Variants in ZUP1 observed in about 807,000 individuals in gnomAD.
The protein encoded by ZUP1 is zinc finger-containing ubiquitin peptidase 1.
In ZUP1, 55 loss-of-function variants were observed where a neutral mutation model predicts 68.1. The observed-to-expected ratio is 0.81, with a 90% CI of 0.65 to 1.01. The LOEUF (loss-of-function observed/expected upper bound fraction) is 1.01, where lower values mean the gene tolerates loss of function less well. ZUP1 is among the 50% of genes least tolerant of loss of function. The pLI, the probability that ZUP1 is intolerant of heterozygous loss-of-function variation, is 0.00. For missense variants in ZUP1, 684 were observed against 674.9 expected (o/e 1.01, Z -0.15); for synonymous variants, 223 against 221.5 (o/e 1.01, Z -0.06).
At chr6:116,658,249 C>T (rs1178932597) in intron 4 of ZUP1, among the ~76,000 whole-genome samples, 2 of 152,146 alleles carry the variant, frequency 1.3e-5, no homozygotes, top group South Asian at 4.1e-4. Context: ...CCAGTTTAGT[C>T]CAACAGGTAA....
At chr6:116,646,274 G>A in intron 8 of ZUP1, 1 of 179,716 alleles carries the variant, frequency 5.6e-6, no homozygotes, top group South Asian at 1.6e-4. Flanking sequence ...GATTCCAAAA[G>A]GTAAACAAAA....
rs186767123 is a variant in ZUP1 at position 116,664,016 on chromosome 6, T to C, written c.559+2618A>G. 2.0e-3 allele frequency among the ~76,000 whole-genome samples: 306 copies of C among 152,288 alleles called. 1 individual carries two copies. The highest frequency in any genetic ancestry group is 3.2e-3 in the Non-Finnish European group (220 of 68,016). ...TAGATACCTCAACTATCTATAAAAA[T>C]TGATAGTGTTTCTATAAAACTGCAA... On this transcript the variant is annotated intron_variant, in intron 2 of 9. Coordinates refer to ENST00000368576, the MANE Select transcript of ZUP1 (RefSeq NM_145062.3).
intron 2 of ZUP1, among the ~76,000 whole-genome samples, chr6:116,661,338 C>CATA (rs1295726741): frequency 6.8e-6 from 1 of 147,416 alleles, no homozygotes. Context: ...ACAAACCTCT[C>CATA]ATACCACTCC....
chr6:116,636,452 A>G (rs1775912574), intron 9 of ZUP1, among the ~76,000 whole-genome samples: 1 of 151,848 alleles, frequency 6.6e-6, no homozygotes, highest in Non-Finnish European at 1.5e-5. Context: ...AGAATTAAGG[A>G]ACATGGCTAT....
rs1043404026 is a variant in ZUP1, at chr6:116,651,498, C to T, written c.1316+74G>A. 9.0e-6 allele frequency: 12 copies of T among 1,333,302 alleles called. No individual in the cohort carries two copies. The African/African-American group carries it at 1.5e-4, about 17-fold the overall frequency. The allele number at this position is 1,333,302 out of a possible 1,614,324, so 82.6% of individuals were successfully genotyped here. A position where few individuals can be genotyped will look rare whatever the true frequency, so the allele number is the denominator to read the frequency against. Reference sequence around the variant, plus strand: ...ATTTTATTTTTAAACTATCTCTTTGCTAAAAAATAAAATTTTACAAAACAA... The same window carrying T: ...ATTTTATTTTTAAACTATCTCTTTGTTAAAAAATAAAATTTTACAAAACAA... On this transcript the variant is annotated intron_variant, in intron 7 of 9. Coordinates refer to ENST00000368576, the MANE Select transcript of ZUP1 (RefSeq NM_145062.3).
chr6:116,656,653 A>G (rs753690825), intron 5 of ZUP1, 31 bp downstream of exon 5: 1 of 1,571,520 alleles, frequency 6.4e-7, no homozygotes. Flanking sequence ...AAGCAATATT[A>G]AAACAATGAC....
At chr6:116,649,338 T>C (rs1299911877) in intron 7 of ZUP1, among the ~76,000 whole-genome samples, 1 of 152,150 alleles carries the variant, frequency 6.6e-6, no homozygotes, top group Non-Finnish European at 1.5e-5. Flanking sequence ...TCTATCTCTA[T>C]TTCCTCTTAA....
intron 5 of ZUP1, 40 bp downstream of exon 5, chr6:116,656,644 A>G: frequency 6.6e-7 from 1 of 1,522,722 alleles, no homozygotes. Context: ...CAGTGGTATA[A>G]GCAATATTAA....
chr6:116,636,781 A>G (rs1408361837), intron 9 of ZUP1, among the ~76,000 whole-genome samples: 2 of 152,214 alleles, frequency 1.3e-5, no homozygotes, highest in Non-Finnish European at 2.9e-5. Context: ...GGGATACCAT[A>G]AACTATCATA....
At chr6:116,647,361 A>C (rs577056673) in intron 8 of ZUP1, 98 bp downstream of exon 8, 219 of 1,156,328 alleles carry the variant, frequency 1.9e-4, no homozygotes, top group African/African-American at 6.5e-4. Flanking sequence ...TCTGTCTAAA[A>C]AAACAAACAA....
chr6:116,638,767 A>G (rs1775981778), intron 9 of ZUP1, among the ~76,000 whole-genome samples: 1 of 152,188 alleles, frequency 6.6e-6, no homozygotes, highest in Admixed American at 6.5e-5. Context: ...GACGCAGAAG[A>G]CGGGTGATTT....
chr6:116,654,528 G>A (rs1018283951), intron 5 of ZUP1, among the ~76,000 whole-genome samples: 1 of 151,780 alleles, frequency 6.6e-6, no homozygotes, highest in Non-Finnish European at 1.5e-5. Flanking sequence ...TAAAGATGGG[G>A]GAGTTACTTA....
At chr6:116,660,503 A>C (rs1016533923) in intron 3 of ZUP1, 2 of 401,426 alleles carry the variant, frequency 5.0e-6, no homozygotes, top group African/African-American at 4.1e-5. Flanking sequence ...ATTCATTTGT[A>C]AAATTTTATG....
chr6:116,656,826 T>C lies in ZUP1; in HGVS notation c.819A>G (p.Gly273=). The change falls in exon 5 of 10, where the codon GGA becomes GGG. Residue 273 remains glycine, a synonymous_variant. Coordinates refer to ENST00000368576, the MANE Select transcript of ZUP1 (RefSeq NM_145062.3). ...TTCGTAGTTGTTGTTGTTTGTATCC[T>C]CCAGAATTATCTAAACCATATTGTC... ...LQRQYGLDNS[G]GYKQQQLRNM... 6.2e-7 allele frequency: 1 copy of C among 1,605,190 alleles called. No individual in the cohort carries two copies. Among genetic ancestry groups the C allele is most frequent in the Non-Finnish European group, 8.5e-7 (1 of 1,174,690 alleles).
At chr6:116,653,592 G>T (rs1776578536) in intron 5 of ZUP1, among the ~76,000 whole-genome samples, 1 of 151,920 alleles carries the variant, frequency 6.6e-6, no homozygotes, top group Admixed American at 6.6e-5. Flanking sequence ...AGAAAGACTT[G>T]AATTCAAGAA....
At chr6:116,650,350 A>G (rs187385520) in intron 7 of ZUP1, among the ~76,000 whole-genome samples, 1 of 140,332 alleles carries the variant, frequency 7.1e-6, no homozygotes, top group African/African-American at 2.7e-5. Context: ...TGAACCCAGG[A>G]GGCGGAGCTT....
At position 116,666,898 on chromosome 6, in the gene ZUP1, G is replaced by T. The variant is rs1777027439; in HGVS notation, c.295C>A (p.His99Asn). 1 of 1,611,470 alleles carries T rather than the reference G, an allele frequency of 6.2e-7. No individual in the cohort carries two copies. ...SSILSGCASN[H>N]PKNSAQNLTK... is the part of the protein sequence containing the mutation. ...AGGTTTTGAGCTGAATTTTTTGGATGATTAGATGCACAACCTGAAAGAATA... is the reference window on the plus strand; with the variant it reads ...AGGTTTTGAGCTGAATTTTTTGGATTATTAGATGCACAACCTGAAAGAATA... The change falls in exon 2 of 10, where the codon CAT becomes AAT. Residue 99 changes from histidine (H) to asparagine (N), a missense_variant. By Grantham distance (68) the His-to-Asn change is moderately conservative. Coordinates refer to ENST00000368576, the MANE Select transcript of ZUP1 (RefSeq NM_145062.3).
chr6:116,659,302 G>T lies in ZUP1; in HGVS notation c.671-378C>A, dbSNP rs557989625. Reference sequence around the variant, plus strand: ...CTGCCACCATGCCCAGCTAATTTTTGTATTTTTAGTAGAGATGGAGTTTCG... The same window carrying T: ...CTGCCACCATGCCCAGCTAATTTTTTTATTTTTAGTAGAGATGGAGTTTCG... On this transcript the variant is annotated intron_variant, in intron 3 of 9. Coordinates refer to ENST00000368576, the MANE Select transcript of ZUP1 (RefSeq NM_145062.3). 2.0e-5 allele frequency among the ~76,000 whole-genome samples: 3 copies of T among 152,048 alleles called. 1 individual carries two copies.
chr6:116,645,834 T>C lies in ZUP1; in HGVS notation c.1569A>G (p.Leu523=). The C allele has an allele frequency of 6.2e-7, 1 of 1,613,974 alleles. No individual in the cohort carries two copies. The highest frequency in any genetic ancestry group is 8.5e-7 in the Non-Finnish European group (1 of 1,179,928). Residue 523 remains leucine (L), a synonymous_variant, in exon 9 of 10, where the codon TTA becomes TTG. Coordinates refer to ENST00000368576, the MANE Select transcript of ZUP1 (RefSeq NM_145062.3). The part of the protein sequence containing the change: ...PGCPSREMQK[L]LKQDIEASSL... ...TGCTAGCCTCTATGTCTTGCTTTAATAATTTCTGCATTTCTCGAGAAGGAC... is the reference window on the plus strand; with the variant it reads ...TGCTAGCCTCTATGTCTTGCTTTAACAATTTCTGCATTTCTCGAGAAGGAC...
Sources: allele counts gnomAD v4.1 joint callset (sites outside exome capture counted in the v4.1 genomes callset), GRCh38; gene constraint gnomAD v4.1.1; transcripts MANE v1.5; gene names NCBI Gene and HGNC (gene_info 2026-07-23, HGNC 2026-07-21).